Variants in SLC24A3 observed in about 807,000 individuals in gnomAD.
SLC24A3 encodes sodium/potassium/calcium exchanger 3.
SLC24A3 carries 28 observed loss-of-function variants against 75.8 expected under a neutral mutation model. That is an observed-to-expected ratio of 0.37 (90% CI 0.27 to 0.51). The LOEUF (loss-of-function observed/expected upper bound fraction) is 0.51, where lower values mean the gene tolerates loss of function less well. Ranked by LOEUF, SLC24A3 falls within the 20% of genes least tolerant of loss-of-function variation. The pLI, the probability that SLC24A3 is intolerant of heterozygous loss-of-function variation, is 0.94. For missense variants in SLC24A3, 663 were observed against 847.8 expected, an observed-to-expected ratio of 0.78 and a Z score of 2.71; for synonymous variants, 372 against 334.1, an observed-to-expected ratio of 1.11 and a Z score of -1.24.
In SLC24A3 at chr20:19,505,167, G is replaced by A. The variant is rs140886861; in HGVS notation, c.272-10321G>A. ...GTGGGCTGATTGTTTAAAATCTTCT[G>A]CCAATACAGACATGAGAAAAAGAGC... On this transcript the variant is annotated intron_variant, in intron 2 of 16. Transcript: ENST00000328041. 3.3e-5 allele frequency among the ~76,000 whole-genome samples: 5 copies of A among 152,202 alleles called. No individual in the cohort carries two copies. The East Asian group carries it at 9.7e-4, about 29-fold the overall frequency.
intron 4 of SLC24A3, among the ~76,000 whole-genome samples, chr20:19,583,051 C>G (rs907386539): frequency 6.6e-6 from 1 of 152,192 alleles, no homozygotes; most frequent in African/African-American, 2.4e-5. Flanking sequence ...GGACCAAGCT[C>G]TATGCCAGGG....
intron 2 of SLC24A3, among the ~76,000 whole-genome samples, chr20:19,475,278 G>T (rs769638932): frequency 5.3e-5 from 8 of 151,858 alleles, no homozygotes; most frequent in Non-Finnish European, 1.0e-4. Flanking sequence ...GGTGGAGCTT[G>T]CAGTGAGCTG....
intron 6 of SLC24A3, among the ~76,000 whole-genome samples, chr20:19,630,755 C>T (rs942637239): frequency 2.7e-4 from 41 of 152,258 alleles, no homozygotes; most frequent in African/African-American, 9.6e-4. Context: ...TTTAAAGTGT[C>T]TATACTGGAA....
intron 2 of SLC24A3, among the ~76,000 whole-genome samples, chr20:19,326,316 G>C (rs751459776): frequency 1.3e-5 from 2 of 152,126 alleles, no homozygotes; most frequent in African/African-American, 2.4e-5. Flanking sequence ...AGGGAGCAAA[G>C]GAGGACAGGG....
At chr20:19,419,324 C>T (rs1331445756) in intron 2 of SLC24A3, among the ~76,000 whole-genome samples, 1 of 151,854 alleles carries the variant, frequency 6.6e-6, no homozygotes. Flanking sequence ...ATTGCCAAAC[C>T]CCCTCTCCTG....
intron 3 of SLC24A3, among the ~76,000 whole-genome samples, chr20:19,517,093 C>A (rs6112436): frequency 1.3e-5 from 2 of 152,172 alleles, no homozygotes; most frequent in Admixed American, 1.3e-4. Flanking sequence ...GTAAGGAGAG[C>A]CTTTGCAACC....
Position 19,228,455 on chromosome 20 carries a change from C to T in SLC24A3, c.142+15471C>T, listed in dbSNP as rs372753032. On this transcript the variant is annotated intron_variant, in intron 1 of 16. Coordinates refer to ENST00000328041, the MANE Select transcript of SLC24A3 (RefSeq NM_020689.4). Reference sequence around the variant, plus strand: ...GAGATCAAGACCATCCTGGCTAACACTGTGAAACCTTGTCTCTACTAAAAA... The same window carrying T: ...GAGATCAAGACCATCCTGGCTAACATTGTGAAACCTTGTCTCTACTAAAAA... 3.5e-4 allele frequency among the ~76,000 whole-genome samples: 53 copies of T among 152,182 alleles called. No individual in the cohort carries two copies. The East Asian group carries it at 0.01, about 29-fold the overall frequency.
Position 19,212,892 on chromosome 20 carries a change from G to A in SLC24A3, c.50G>A (p.Arg17His). The A allele has an allele frequency of 7.7e-7, 1 of 1,305,838 alleles. No homozygotes were observed. The highest frequency in any genetic ancestry group is 1.5e-5 in the African/African-American group (1 of 65,740). The allele number at this position is 1,305,838 out of a possible 1,614,324, so 80.9% of individuals were successfully genotyped here. A position where few individuals can be genotyped will look rare whatever the true frequency, so the allele number is the denominator to read the frequency against. Residue 17 changes from arginine to histidine, a missense_variant, in exon 1 of 17, where the codon CGC becomes CAC. Arg to His is a conservative substitution (Grantham distance 29, BLOSUM62 0). Coordinates refer to ENST00000328041, the MANE Select transcript of SLC24A3 (RefSeq NM_020689.4). ...EDRARRRRRRRRRRDLLLSQL... is the reference protein window; with the variant it reads ...EDRARRRRRRHRRRDLLLSQL... Reference sequence around the variant, plus strand: ...CGCGCGCGTCGCCGCCGCCGCCGCCGCCGCCGGAGGGACCTTCTGCTGAGC... The same window carrying A: ...CGCGCGCGTCGCCGCCGCCGCCGCCACCGCCGGAGGGACCTTCTGCTGAGC...
chr20:19,373,915 C>T (rs895612995), intron 2 of SLC24A3, among the ~76,000 whole-genome samples: 2 of 152,106 alleles, frequency 1.3e-5, no homozygotes, highest in African/African-American at 4.8e-5. Context: ...CCCTAGATCC[C>T]TGGTAGGTTA....
chr20:19,334,307 C>G lies in SLC24A3; in HGVS notation c.271+53220C>G, dbSNP rs942039626. Among the ~76,000 whole-genome samples, 6 of 151,242 alleles carry G rather than the reference C, an allele frequency of 4.0e-5. No individual in the cohort carries two copies. The East Asian group carries it at 5.8e-4, about 15-fold the overall frequency. ...AGAGTGGCTTGATTTTTGGAGATAGCTAAAATAATTCAAAAGTGGGTTTGG... is the reference window on the plus strand; with the variant it reads ...AGAGTGGCTTGATTTTTGGAGATAGGTAAAATAATTCAAAAGTGGGTTTGG... On this transcript the variant is annotated intron_variant, in intron 2 of 16. Transcript: ENST00000328041.
intron 6 of SLC24A3, among the ~76,000 whole-genome samples, chr20:19,602,539 T>C (rs1011286609): frequency 6.6e-6 from 1 of 152,182 alleles, no homozygotes; most frequent in Non-Finnish European, 1.5e-5. Context: ...TTCACCCAGG[T>C]AGGAAATGTC....
chr20:19,629,407 C>T (rs1468002429), intron 6 of SLC24A3, among the ~76,000 whole-genome samples: 3 of 152,000 alleles, frequency 2.0e-5, no homozygotes, highest in African/African-American at 7.3e-5. Flanking sequence ...TATTAAGAGA[C>T]ATATAGGATA....
In SLC24A3 at chr20:19,693,309, G is replaced by C. The variant is rs1385747191; in HGVS notation, c.1375G>C (p.Val459Leu). Residue 459 changes from valine (V) to leucine (L), a missense_variant, in exon 13 of 17, where the codon GTC becomes CTC. This residue lies in a region of SLC24A3 where 510 missense variants were observed against 703.6 expected (regional missense o/e 0.72). Transcript: ENST00000328041. ...KWAFTWPLSF[V>L]LYFTVPNCNK... Reference sequence around the variant, plus strand: ...GGCGTTCACCTGGCCGCTGAGTTTCGTCTTATACTTCACTGTACCCAACTG... The same window carrying C: ...GGCGTTCACCTGGCCGCTGAGTTTCCTCTTATACTTCACTGTACCCAACTG... 2.5e-6 allele frequency: 4 copies of C among 1,613,862 alleles called. No individual in the cohort carries two copies. The highest frequency in any genetic ancestry group is 2.2e-5 in the East Asian group (1 of 44,866).
At chr20:19,267,256 T>C (rs940836661) in intron 1 of SLC24A3, among the ~76,000 whole-genome samples, 5 of 152,150 alleles carry the variant, frequency 3.3e-5, no homozygotes, top group Admixed American at 6.6e-5. Flanking sequence ...TAATTTAAGG[T>C]TGTTTATTTT....
chr20:19,453,676 C>T (rs183674158), intron 2 of SLC24A3, among the ~76,000 whole-genome samples: 1 of 152,340 alleles, frequency 6.6e-6, no homozygotes, highest in East Asian at 1.9e-4. Flanking sequence ...TTTAGATACT[C>T]CCAATGTCCT....
Position 19,711,300 on chromosome 20 carries a change from C to T in SLC24A3, c.1720-6228C>T, listed in dbSNP as rs111073517. Among the ~76,000 whole-genome samples, 14 of 150,810 alleles carry T rather than the reference C, an allele frequency of 9.3e-5. No individual in the cohort carries two copies. The East Asian group carries it at 1.2e-3, about 13-fold the overall frequency. On this transcript the variant is annotated intron_variant, in intron 15 of 16. Coordinates refer to ENST00000328041, the MANE Select transcript of SLC24A3 (RefSeq NM_020689.4). ...ACATATGCATGCAAACACGCACACACATGCACACATACAAACGCACACACA... is the reference window on the plus strand; with the variant it reads ...ACATATGCATGCAAACACGCACACATATGCACACATACAAACGCACACACA...
intron 3 of SLC24A3, among the ~76,000 whole-genome samples, chr20:19,518,328 G>A (rs114309382): frequency 0.011 from 1,621 of 152,302 alleles, 40 homozygotes; most frequent in African/African-American, 0.037. Flanking sequence ...CTCAGGACAT[G>A]GCTTCACTCT....
At chr20:19,481,049 A>C (rs889659977) in intron 2 of SLC24A3, among the ~76,000 whole-genome samples, 3 of 152,184 alleles carry the variant, frequency 2.0e-5, no homozygotes, top group Admixed American at 6.5e-5. Flanking sequence ...TGACTGCACA[A>C]TCATAGAAGT....
intron 3 of SLC24A3, among the ~76,000 whole-genome samples, chr20:19,536,705 C>T (rs1187606330): frequency 1.3e-5 from 2 of 152,050 alleles, no homozygotes; most frequent in South Asian, 2.1e-4. Flanking sequence ...AGAACAGAGC[C>T]CTCAGAAATA....
Sources: allele counts gnomAD v4.1 joint callset (sites outside exome capture counted in the v4.1 genomes callset), GRCh38; gene constraint gnomAD v4.1.1; regional missense constraint gnomAD v4.1.1; transcripts MANE v1.5; gene names NCBI Gene and HGNC (gene_info 2026-07-23, HGNC 2026-07-21).